HIVEP2: variants seen among roughly 807,000 people sequenced by gnomAD.
The protein encoded by HIVEP2 is HIVEP zinc finger 2, also known as transcription factor HIVEP2.
HIVEP2 carries 14 observed loss-of-function variants against 180.7 expected under a neutral mutation model. That is an observed-to-expected ratio of 0.08 (90% CI 0.05 to 0.12). The LOEUF (loss-of-function observed/expected upper bound fraction) is 0.12. HIVEP2 is among the 10% of genes least tolerant of loss of function. The pLI is 1.00. For synonymous variants in HIVEP2, 1,184 were observed against 1,136.4 expected (o/e 1.04, Z -0.84); for missense variants, 2,579 against 3,008.5 (o/e 0.86, Z 3.34).
At chr6:142,934,749 T>C (rs1778014511) in intron 1 of HIVEP2, among the ~76,000 whole-genome samples, 1 of 152,190 alleles carries the variant, frequency 6.6e-6, no homozygotes, top group African/African-American at 2.4e-5. Flanking sequence ...CCAAGGGACA[T>C]TGCTGAGTTG....
At chr6:142,887,973 A>AT in intron 1 of HIVEP2, among the ~76,000 whole-genome samples, 1 of 151,542 alleles carries the variant, frequency 6.6e-6, no homozygotes, top group Non-Finnish European at 1.5e-5. Context: ...AAAAAAAAAA[A>AT]ATTGCTTTTT....
At chr6:142,802,918 T>C (rs1481142014) in intron 2 of HIVEP2, among the ~76,000 whole-genome samples, 1 of 152,194 alleles carries the variant, frequency 6.6e-6, no homozygotes, top group Admixed American at 6.5e-5. Flanking sequence ...AATTCTGATT[T>C]TGATGGTTTA....
intron 2 of HIVEP2, among the ~76,000 whole-genome samples, chr6:142,829,827 T>C (rs1775029044): frequency 6.6e-6 from 1 of 152,234 alleles, no homozygotes; most frequent in African/African-American, 2.4e-5. Flanking sequence ...GATGACAGAA[T>C]CAAGCTCTGC....
chr6:142,922,806 G>A (rs1025926880), intron 1 of HIVEP2, among the ~76,000 whole-genome samples: 2 of 152,060 alleles, frequency 1.3e-5, no homozygotes, highest in African/African-American at 2.4e-5. Flanking sequence ...CATCCCTAGA[G>A]AGCCTCAAAA....
chr6:142,888,612 C>T (rs950278549), intron 1 of HIVEP2, among the ~76,000 whole-genome samples: 1 of 152,174 alleles, frequency 6.6e-6, no homozygotes, highest in Non-Finnish European at 1.5e-5. Flanking sequence ...TGCATGCACA[C>T]ACATACATAT....
intron 2 of HIVEP2, among the ~76,000 whole-genome samples, chr6:142,807,704 G>A (rs757321581): frequency 6.6e-6 from 1 of 152,238 alleles, no homozygotes; most frequent in East Asian, 1.9e-4. Context: ...TATCCCAGGA[G>A]ACAAAACCTT....
intron 1 of HIVEP2, among the ~76,000 whole-genome samples, chr6:142,840,145 C>T (rs1012771937): frequency 4.6e-5 from 7 of 152,082 alleles, no homozygotes; most frequent in African/African-American, 1.4e-4. Flanking sequence ...TCTTCACAAA[C>T]CCAGTGGAGA....
intron 1 of HIVEP2, among the ~76,000 whole-genome samples, chr6:142,918,363 T>G (rs1582965743): frequency 6.6e-6 from 1 of 152,172 alleles, no homozygotes; most frequent in South Asian, 2.1e-4. Context: ...TTTTTTTCTA[T>G]TAAACGAACT....
rs57458259 is a variant in HIVEP2, at chr6:142,785,309, C to CAAAAAAAAAAAAAAAAAAAAAAAAAA, written c.-527-1720_-527-1695dup. Among the ~76,000 whole-genome samples, 2 of 65,370 alleles carry CAAAAAAAAAAAAAAAAAAAAAAAAAA rather than the reference C, an allele frequency of 3.1e-5. 1 individual carries two copies. 42.9% of individuals were successfully genotyped at this position (65,370 alleles called of 152,430 possible). A position where few individuals can be genotyped will look rare whatever the true frequency, so the allele number is the denominator to read the frequency against. ...GGCTAAAGTAAAGCATGGCATTCCT[C>CAAAAAAAAAAAAAAAAAAAAAAAAAA]AAAAAAAAAAAAAAAAAAAAAAAAA... On this transcript the variant is annotated intron_variant, in intron 2 of 9. Coordinates refer to ENST00000367603, the MANE Select transcript of HIVEP2 (RefSeq NM_006734.4).
chr6:142,758,781 A>G (rs1163497885), intron 9 of HIVEP2, among the ~76,000 whole-genome samples: 1 of 152,248 alleles, frequency 6.6e-6, no homozygotes, highest in East Asian at 1.9e-4. Context: ...ATGAAGGCAT[A>G]TCATAGAAAT....
intron 1 of HIVEP2, among the ~76,000 whole-genome samples, chr6:142,838,503 T>A (rs1355565803): frequency 6.6e-6 from 1 of 152,176 alleles, no homozygotes; most frequent in Non-Finnish European, 1.5e-5. Context: ...CATTTGAATA[T>A]CTAGAGCGGC....
At position 142,753,147 on chromosome 6, in the gene HIVEP2, T is replaced by C; in HGVS notation, c.7301A>G (p.Glu2434Gly). The change falls in exon 10 of 10, where the codon GAA (glutamate) becomes GGA (glycine). Residue 2434 changes from glutamate to glycine, a missense_variant. Transcript: ENST00000367603. ...CTTTTCTGATGAAGGATCTTTGCTT[T>C]CCTCTGTGCTTGAAGATAATTCCTT... The part of the protein sequence containing the change: ...SSKELSSSTE[E>G]SKDPSSEKSQ... 4 of 1,612,582 alleles carry C rather than the reference T, an allele frequency of 2.5e-6. No individual in the cohort carries two copies. Among genetic ancestry groups the C allele is most frequent in the Non-Finnish European group, 3.4e-6 (4 of 1,178,518 alleles).
At position 142,813,522 on chromosome 6, in the gene HIVEP2, C is replaced by A. The variant is rs1259681192; in HGVS notation, c.-528+23413G>T. Among the ~76,000 whole-genome samples the A allele has an allele frequency of 2.0e-5, 3 of 150,854 alleles. No homozygotes were observed. The East Asian group carries it at 5.8e-4, about 29-fold the overall frequency. Reference sequence around the variant, plus strand: ...TATTATTAAATCATTTAAATTCAATCATGTATAAGATATAAGACATTATGT... The same window carrying A: ...TATTATTAAATCATTTAAATTCAATAATGTATAAGATATAAGACATTATGT... On this transcript the variant is annotated intron_variant, in intron 2 of 9. Transcript: ENST00000367603.
chr6:142,766,649 C>T (rs1400983449), intron 6 of HIVEP2, among the ~76,000 whole-genome samples: 1 of 151,898 alleles, frequency 6.6e-6, no homozygotes. Context: ...AACTTGCTTC[C>T]AGAATGAAAA....
intron 2 of HIVEP2, among the ~76,000 whole-genome samples, chr6:142,801,259 T>C (rs1582872008): frequency 6.8e-6 from 1 of 146,552 alleles, no homozygotes; most frequent in Non-Finnish European, 1.5e-5. Flanking sequence ...TATGATAGCA[T>C]GAAAAGAACA....
chr6:142,777,573 G>A (rs566415546), intron 3 of HIVEP2, among the ~76,000 whole-genome samples: 4 of 140,290 alleles, frequency 2.9e-5, no homozygotes, highest in Admixed American at 7.6e-5. Context: ...GTTTGGACCC[G>A]GGAGGCAGAG....
In HIVEP2 at chr6:142,768,547, A is replaced by C. The variant is rs1775431978; in HGVS notation, c.5188-11T>G. 3.7e-6 allele frequency: 6 copies of C among 1,611,782 alleles called. No individual in the cohort carries two copies. The East Asian group carries it at 1.3e-4, about 36-fold the overall frequency. Reference sequence around the variant, plus strand: ...CGCATCAGGTTTCATCTGTAAGACAAGAAGAGAGAATCATTTCACATGCTT... The same window carrying C: ...CGCATCAGGTTTCATCTGTAAGACACGAAGAGAGAATCATTTCACATGCTT... On this transcript the variant is annotated splice_polypyrimidine_tract_variant and intron_variant, in intron 5 of 9. Transcript: ENST00000367603.
chr6:142,899,447 C>T (rs1314658295), intron 1 of HIVEP2, among the ~76,000 whole-genome samples: 1 of 152,220 alleles, frequency 6.6e-6, no homozygotes, highest in Non-Finnish European at 1.5e-5. Context: ...GCCTTCACTT[C>T]TAGACCATTA....
chr6:142,869,038 A>G (rs1297282120), intron 1 of HIVEP2, among the ~76,000 whole-genome samples: 2 of 152,150 alleles, frequency 1.3e-5, no homozygotes, highest in African/African-American at 4.8e-5. Flanking sequence ...TTTGCCCCCT[A>G]GGGGATATTT....
Sources: allele counts gnomAD v4.1 joint callset (sites outside exome capture counted in the v4.1 genomes callset), GRCh38; gene constraint gnomAD v4.1.1; transcripts MANE v1.5; gene names NCBI Gene and HGNC (gene_info 2026-07-23, HGNC 2026-07-21).